Variants in REEP1 observed in about 807,000 individuals in gnomAD.
REEP1 encodes receptor expression-enhancing protein 1.
A neutral mutation model predicts 40.3 loss-of-function variants in REEP1; 22 were observed. That is an observed-to-expected ratio of 0.55 (90% confidence interval 0.39 to 0.78). The LOEUF (loss-of-function observed/expected upper bound fraction) is 0.78, where lower values mean the gene tolerates loss of function less well. Among genes scored for constraint, REEP1 ranks in the 30% least tolerant of loss-of-function variants. The pLI, the probability that REEP1 is intolerant of heterozygous loss-of-function variation, is 0.00. For missense variants in REEP1, 280 were observed against 361.1 expected, an observed-to-expected ratio of 0.78 and a Z score of 1.82; for synonymous variants, 116 against 139.2, an observed-to-expected ratio of 0.83 and a Z score of 1.17.
At chr2:86,317,071 T>C (rs1033573092) in intron 1 of REEP1, among the ~76,000 whole-genome samples, 2 of 152,176 alleles carry the variant, frequency 1.3e-5, no homozygotes, top group African/African-American at 2.4e-5. Flanking sequence ...GTGCACCTCC[T>C]CATCAATGTG....
intron 1 of REEP1, among the ~76,000 whole-genome samples, chr2:86,284,996 C>G (rs1209348000): frequency 6.6e-6 from 1 of 152,220 alleles, no homozygotes; most frequent in African/African-American, 2.4e-5. Flanking sequence ...TCTTCTTAAC[C>G]TATTTTGGAA....
Position 86,225,288 on chromosome 2 carries a change from T to C in REEP1, c.631+2075A>G, listed in dbSNP as rs533500357. ...CAGAATCCCCAGCTTTTTTGTTTTTTTAGATGGAGTTTCACTCTTGTTGCC... is the reference window on the plus strand; with the variant it reads ...CAGAATCCCCAGCTTTTTTGTTTTTCTAGATGGAGTTTCACTCTTGTTGCC... On this transcript the variant is annotated intron_variant, in intron 7 of 8. Coordinates refer to ENST00000538924, the MANE Select transcript of REEP1 (RefSeq NM_001371279.1). Among the ~76,000 whole-genome samples, 8 of 152,318 alleles carry C rather than the reference T, an allele frequency of 5.3e-5. 1 individual carries two copies. The South Asian group carries it at 1.5e-3, about 28-fold the overall frequency.
chr2:86,303,920 T>C (rs1228327213), intron 1 of REEP1, among the ~76,000 whole-genome samples: 1 of 152,064 alleles, frequency 6.6e-6, no homozygotes, highest in Non-Finnish European at 1.5e-5. Flanking sequence ...TCTGACAGCA[T>C]CCATCCAAAG....
In REEP1 at chr2:86,254,822, G is replaced by C. The variant is rs1405827641; in HGVS notation, c.183-8C>G. ...TCATAATAGAATGGAAACCTGGAGA[G>C]AGAGATGAAAACACAAGTTCTGTTA... On this transcript the variant is annotated splice_region_variant and splice_polypyrimidine_tract_variant and intron_variant, in intron 3 of 8. Transcript: ENST00000538924. 1 of 1,613,720 alleles carries C rather than the reference G, an allele frequency of 6.2e-7. No individual in the cohort carries two copies.
intron 5 of REEP1, among the ~76,000 whole-genome samples, chr2:86,241,759 G>A (rs899960453): frequency 3.9e-5 from 6 of 152,220 alleles, no homozygotes; most frequent in Non-Finnish European, 8.8e-5. Flanking sequence ...GGTTCCAGCT[G>A]CTCCAGCAGC....
At chr2:86,240,394 G>A (rs1020909006) in intron 5 of REEP1, among the ~76,000 whole-genome samples, 18 of 152,336 alleles carry the variant, frequency 1.2e-4, no homozygotes, top group Admixed American at 3.3e-4. Flanking sequence ...GGATGGCACC[G>A]TCACCGTGGC....
intron 3 of REEP1, among the ~76,000 whole-genome samples, chr2:86,263,594 T>C (rs879639303): frequency 6.6e-6 from 1 of 152,194 alleles, no homozygotes; most frequent in African/African-American, 2.4e-5. Flanking sequence ...ATGTTGACCA[T>C]GAATTGAGTG....
chr2:86,231,387 A>G (rs549321003), intron 6 of REEP1, among the ~76,000 whole-genome samples: 4 of 152,228 alleles, frequency 2.6e-5, no homozygotes, highest in Non-Finnish European at 4.4e-5. Context: ...GCGAAGGGCC[A>G]AGGGGACACT....
intron 2 of REEP1, among the ~76,000 whole-genome samples, chr2:86,280,789 G>A (rs574054801): frequency 1.4e-4 from 22 of 152,268 alleles, no homozygotes; most frequent in Middle Eastern, 3.4e-3. Context: ...ATTGCGGGGT[G>A]GGGTGGGGGG....
At chr2:86,252,114 AC>A in intron 4 of REEP1, 44 bp from the exon 5 acceptor site, 1 of 1,316,636 alleles carries the variant, frequency 7.6e-7, no homozygotes, top group Non-Finnish European at 1.1e-6. Flanking sequence ...GAAGGTTCAA[AC>A]ACATCTCTGT....
At chr2:86,327,592 G>A (rs553178215) in intron 1 of REEP1, among the ~76,000 whole-genome samples, 1 of 150,380 alleles carries the variant, frequency 6.6e-6, no homozygotes, top group Non-Finnish European at 1.5e-5. Context: ...TTTGGAGATG[G>A]GGCCTCGCTC....
intron 2 of REEP1, among the ~76,000 whole-genome samples, chr2:86,272,825 AAAAT>A (rs1677529729): frequency 6.6e-6 from 1 of 152,216 alleles, no homozygotes; most frequent in Non-Finnish European, 1.5e-5. Flanking sequence ...AATTCCAGCC[AAAAT>A]GATTTTCTTA....
At chr2:86,328,965 C>T (rs1188472521) in intron 1 of REEP1, among the ~76,000 whole-genome samples, 3 of 152,178 alleles carry the variant, frequency 2.0e-5, no homozygotes, top group African/African-American at 7.2e-5. Context: ...ATACCCTGCC[C>T]TCTTGGTACC....
Position 86,316,747 on chromosome 2 carries a change from TACTC to T in REEP1, c.32+20728_32+20731del, listed in dbSNP as rs1474622680. ...GGTGGTGCATGCCTGTAATTCCAGT[TACTC>T]AGGAGGCTGAAGCAGGAGAATCACT... On this transcript the variant is annotated intron_variant, in intron 1 of 8. Coordinates refer to ENST00000538924, the MANE Select transcript of REEP1 (RefSeq NM_001371279.1). Among the ~76,000 whole-genome samples the T allele has an allele frequency of 4.0e-5, 6 of 151,096 alleles. No homozygotes were observed. The East Asian group carries it at 1.2e-3, about 29-fold the overall frequency.
At chr2:86,259,814 C>T (rs1210229403) in intron 3 of REEP1, among the ~76,000 whole-genome samples, 1 of 151,976 alleles carries the variant, frequency 6.6e-6, no homozygotes, top group East Asian at 1.9e-4. Flanking sequence ...GAAAGTTTTA[C>T]AAAGTTAACC....
At chr2:86,231,375 C>A (rs991241153) in intron 6 of REEP1, among the ~76,000 whole-genome samples, 2 of 152,222 alleles carry the variant, frequency 1.3e-5, no homozygotes, top group African/African-American at 4.8e-5. Flanking sequence ...GTCTTAAGAC[C>A]TGCGAAGGGC....
intron 1 of REEP1, among the ~76,000 whole-genome samples, chr2:86,307,253 T>C (rs1243393783): frequency 6.7e-6 from 1 of 149,556 alleles, no homozygotes; most frequent in Non-Finnish European, 1.5e-5. Context: ...CTTTATGGAA[T>C]CTAGCATAAG....
intron 1 of REEP1, among the ~76,000 whole-genome samples, chr2:86,301,803 T>C (rs1679266767): frequency 6.6e-6 from 1 of 152,176 alleles, no homozygotes; most frequent in South Asian, 2.1e-4. Context: ...TACTTAACAC[T>C]TCAACAGATG....
At chr2:86,287,953 C>T (rs1409174264) in intron 1 of REEP1, among the ~76,000 whole-genome samples, 1 of 152,042 alleles carries the variant, frequency 6.6e-6, no homozygotes, top group Non-Finnish European at 1.5e-5. Context: ...TTCATTCAAA[C>T]TTATGTTTTT....
Sources: allele counts gnomAD v4.1 joint callset (sites outside exome capture counted in the v4.1 genomes callset), GRCh38; gene constraint gnomAD v4.1.1; transcripts MANE v1.5; gene names NCBI Gene and HGNC (gene_info 2026-07-23, HGNC 2026-07-21).